Variants in WDR72 observed in about 807,000 individuals in gnomAD.
WDR72 encodes WD repeat domain 72, also known as WD repeat-containing protein 72.
A neutral mutation model predicts 124.2 loss-of-function variants in WDR72; 120 were observed. That is an observed-to-expected ratio of 0.97 (90% CI 0.83 to 1.12). The LOEUF (loss-of-function observed/expected upper bound fraction) is 1.12. WDR72 is among the 50% of genes most tolerant of loss of function. The pLI, the probability that WDR72 is intolerant of heterozygous loss-of-function variation, is 0.00. For missense variants in WDR72, 1,387 were observed against 1,278.8 expected, an observed-to-expected ratio of 1.08 and a Z score of -1.29; for synonymous variants, 452 against 441.7, an observed-to-expected ratio of 1.02 and a Z score of -0.29.
At chr15:53,691,282 C>G (rs929565439) in intron 13 of WDR72, among the ~76,000 whole-genome samples, 1 of 152,148 alleles carries the variant, frequency 6.6e-6, no homozygotes, top group Non-Finnish European at 1.5e-5. Flanking sequence ...AACTCCTGGA[C>G]TCAAGTGATC....
At chr15:53,586,922 G>A (rs1195159417) in intron 18 of WDR72, among the ~76,000 whole-genome samples, 1 of 151,854 alleles carries the variant, frequency 6.6e-6, no homozygotes, top group African/African-American at 2.4e-5. Flanking sequence ...AAAGGGGAGC[G>A]GGACAGAAAC....
Position 53,722,918 on chromosome 15 carries a change from A to T in WDR72, c.154-10T>A. Reference sequence around the variant, plus strand: ...GTTCTTTCGCTGAAATCTGAAAATAATGAGAGTGAGCTTTTAAATAATTGT... The same window carrying T: ...GTTCTTTCGCTGAAATCTGAAAATATTGAGAGTGAGCTTTTAAATAATTGT... On this transcript the variant is annotated splice_polypyrimidine_tract_variant and intron_variant, in intron 2 of 19. Transcript: ENST00000360509. 1 of 1,609,444 alleles carries T rather than the reference A, an allele frequency of 6.2e-7. No individual in the cohort carries two copies. Among genetic ancestry groups the T allele is most frequent in the Non-Finnish European group, 8.5e-7 (1 of 1,175,788 alleles).
chr15:53,644,662 G>C (rs892909293), intron 14 of WDR72, among the ~76,000 whole-genome samples: 7 of 152,092 alleles, frequency 4.6e-5, no homozygotes, highest in Non-Finnish European at 8.8e-5. Context: ...AGGTGTAAAT[G>C]AAAGTGCCAA....
rs201955540 is a variant in WDR72 at position 53,714,450 on chromosome 15, G to A, written c.575C>T (p.Ser192Phe). The change falls in exon 6 of 20, where the codon TCT becomes TTT. Residue 192 changes from serine (S) to phenylalanine (F), a missense_variant. By Grantham distance (155) the Ser-to-Phe change is radical (BLOSUM62 -2). Coordinates refer to ENST00000360509, the MANE Select transcript of WDR72 (RefSeq NM_182758.4). ...GELKVWDLSS[S>F]INSIQEKQDV... ...CAAGCCAACCTGAATGCTGTTGATA[G>A]ATGAGGAAAGATCCCATACTTTGAG... 6.2e-7 allele frequency: 1 copy of A among 1,613,746 alleles called. No homozygotes were observed. Among genetic ancestry groups the A allele is most frequent in the Non-Finnish European group, 8.5e-7 (1 of 1,179,784 alleles).
chr15:53,609,563 C>T lies in WDR72; in HGVS notation c.2902G>A (p.Asp968Asn), dbSNP rs2013444315. ...GAAATTAGCTTCAAAAGTGAAAGGT[C>T]AGCCTCAGGTACATGGGATTCATTC... The part of the protein sequence containing the change: ...GKNESHVPEA[D>N]LSLLKLISCW... The change falls in exon 17 of 20, where the codon GAC (aspartate) becomes AAC (asparagine). Residue 968 changes from aspartate (D) to asparagine (N), a missense_variant. Transcript: ENST00000360509. The T allele has an allele frequency of 6.2e-7, 1 of 1,613,432 alleles. No individual in the cohort carries two copies. Among genetic ancestry groups the T allele is most frequent in the South Asian group, 1.1e-5 (1 of 91,084 alleles).
intron 18 of WDR72, among the ~76,000 whole-genome samples, chr15:53,538,376 T>C (rs147687879): frequency 6.6e-6 from 1 of 152,344 alleles, no homozygotes; most frequent in African/African-American, 2.4e-5. Flanking sequence ...CATTCACACA[T>C]TAAGATTTAA....
chr15:53,701,664 C>T (rs1055748921), intron 12 of WDR72, among the ~76,000 whole-genome samples: 2 of 151,918 alleles, frequency 1.3e-5, no homozygotes, highest in Admixed American at 1.3e-4. Flanking sequence ...TGCTCTGTTG[C>T]CCAGGCTGGA....
intron 18 of WDR72, among the ~76,000 whole-genome samples, chr15:53,546,816 C>G (rs988290259): frequency 2.6e-5 from 4 of 152,036 alleles, no homozygotes; most frequent in Non-Finnish European, 4.4e-5. Flanking sequence ...AGGAAAATGA[C>G]TATCAGTAGA....
intron 18 of WDR72, among the ~76,000 whole-genome samples, chr15:53,576,168 A>T (rs1468578954): frequency 6.6e-6 from 1 of 152,156 alleles, no homozygotes; most frequent in Non-Finnish European, 1.5e-5. Context: ...ATTGCGTTAT[A>T]GTTAATCAGG....
At position 53,624,156 on chromosome 15, in the gene WDR72, C is replaced by T. The variant is rs145386968; in HGVS notation, c.1963-7913G>A. Among the ~76,000 whole-genome samples, 393 of 152,082 alleles carry T rather than the reference C, an allele frequency of 2.6e-3. 3 individuals carry two copies. The highest frequency in any genetic ancestry group is 9.2e-3 in the African/African-American group (380 of 41,458). ...GAAGGGTAAGAAGGTATGCATATAG[C>T]GTGAACTGAGAAAATTTCAGAATGG... On this transcript the variant is annotated intron_variant, in intron 14 of 19. Transcript: ENST00000360509.
intron 9 of WDR72, 130 bp from the exon 10 acceptor site, chr15:53,706,204 T>C: frequency 1.8e-6 from 2 of 1,101,340 alleles, no homozygotes; most frequent in Non-Finnish European, 2.6e-6. Context: ...CTTTTGACAT[T>C]TTCAAGTAAA....
intron 7 of WDR72, 63 bp from the exon 8 acceptor site, chr15:53,711,544 A>G (rs1229996462): frequency 6.6e-7 from 1 of 1,514,082 alleles, no homozygotes; most frequent in Non-Finnish European, 9.1e-7. Context: ...TAAGATGAAT[A>G]TAAATTATGA....
intron 13 of WDR72, among the ~76,000 whole-genome samples, chr15:53,668,336 A>G (rs1406867507): frequency 6.6e-6 from 1 of 152,276 alleles, no homozygotes; most frequent in East Asian, 1.9e-4. Flanking sequence ...ATAGACAGAC[A>G]GATAAATAAA....
chr15:53,597,847 G>A, intron 17 of WDR72, among the ~76,000 whole-genome samples: 1 of 152,142 alleles, frequency 6.6e-6, no homozygotes, highest in East Asian at 1.9e-4. Context: ...AGGACCTATG[G>A]TTCGAAGGGC....
intron 13 of WDR72, among the ~76,000 whole-genome samples, chr15:53,679,655 G>C (rs1290572596): frequency 6.6e-6 from 1 of 152,092 alleles, no homozygotes; most frequent in Non-Finnish European, 1.5e-5. Context: ...AGTTCCAATG[G>C]AAAAAGTGTA....
intron 14 of WDR72, among the ~76,000 whole-genome samples, chr15:53,655,650 C>G (rs1457315407): frequency 6.6e-6 from 1 of 151,932 alleles, no homozygotes; most frequent in African/African-American, 2.4e-5. Flanking sequence ...GACAAGAGAC[C>G]TCTAGTGGGA....
At chr15:53,711,601 G>T in intron 7 of WDR72, 120 bp from the exon 8 acceptor site, 1 of 1,033,004 alleles carries the variant, frequency 9.7e-7, no homozygotes, top group Non-Finnish European at 1.5e-6. Context: ...AGACCATACT[G>T]TACTCTCATA....
At chr15:53,520,953 G>A (rs891835638) in intron 19 of WDR72, among the ~76,000 whole-genome samples, 1 of 152,052 alleles carries the variant, frequency 6.6e-6, no homozygotes, top group Non-Finnish European at 1.5e-5. Flanking sequence ...TCTGTCAGAA[G>A]TGTCTTAATT....
At position 53,613,366 on chromosome 15, in the gene WDR72, CTA is replaced by C. The variant is rs141024282; in HGVS notation, c.2872+298_2872+299del. On this transcript the variant is annotated intron_variant, in intron 16 of 19. Transcript: ENST00000360509. ...AGGCATTTCAAAGATCATTTGAAAT[CTA>C]TGTTTTATAAATGTTCAAATGTTAT... 9.4e-3 allele frequency among the ~76,000 whole-genome samples: 1,428 copies of C among 152,018 alleles called. 31 individuals are homozygous for C. Among genetic ancestry groups the C allele is most frequent in the African/African-American group, 0.033 (1,376 of 41,500 alleles).
Sources: allele counts gnomAD v4.1 joint callset (sites outside exome capture counted in the v4.1 genomes callset), GRCh38; gene constraint gnomAD v4.1.1; transcripts MANE v1.5; gene names NCBI Gene and HGNC (gene_info 2026-07-23, HGNC 2026-07-21).